Variants in CCDC141 observed in about 807,000 individuals in gnomAD.
CCDC141 encodes coiled-coil domain containing 141.
A neutral mutation model predicts 181.0 loss-of-function variants in CCDC141; 168 were observed. That is an observed-to-expected ratio of 0.93 (90% CI 0.82 to 1.05). CCDC141 has a LOEUF of 1.05. CCDC141 is among the 50% of genes least tolerant of loss of function. The pLI is 0.00. For missense variants in CCDC141, 1,902 were observed against 1,788.5 expected, an observed-to-expected ratio of 1.06 and a Z score of -1.14; for synonymous variants, 666 against 642.3, an observed-to-expected ratio of 1.04 and a Z score of -0.56.
At chr2:178,894,080 T>C (rs1244623900) in intron 8 of CCDC141, among the ~76,000 whole-genome samples, 1 of 152,068 alleles carries the variant, frequency 6.6e-6, no homozygotes, top group Non-Finnish European at 1.5e-5. Flanking sequence ...AGGCTGAAAA[T>C]GCTGCAGCCA....
chr2:178,908,017 A>G (rs1688052639), intron 7 of CCDC141, among the ~76,000 whole-genome samples: 1 of 152,074 alleles, frequency 6.6e-6, no homozygotes, highest in Non-Finnish European at 1.5e-5. Context: ...AAAAAAAAAA[A>G]TAAACAATGA....
At position 178,830,443 on chromosome 2, in the gene CCDC141, G is replaced by A. The variant is rs531898807; in HGVS notation, c.*3730C>T. On this transcript the variant is annotated 3_prime_UTR_variant, in exon 24 of 24. Transcript: ENST00000443758. ...GGATTGACTCCTGTCTATAAGAAGG[G>A]AGAATCATCTTTGTCTTTTTACATT... 5.3e-5 allele frequency: 8 copies of A among 152,290 alleles called. 1 individual carries two copies. In the South Asian group the frequency reaches 1.2e-3, roughly 24 times the overall value. 9.4% of individuals were successfully genotyped at this position (152,290 alleles called of 1,614,324 possible). A position where few individuals can be genotyped will look rare whatever the true frequency, so the allele number is the denominator to read the frequency against.
chr2:178,885,546 T>C (rs1173385329), intron 10 of CCDC141, among the ~76,000 whole-genome samples: 1 of 152,220 alleles, frequency 6.6e-6, no homozygotes, highest in Non-Finnish European at 1.5e-5. Context: ...AATAGTGCAG[T>C]CTTATTTAAA....
At chr2:178,962,019 C>T (rs1035120715) in intron 4 of CCDC141, among the ~76,000 whole-genome samples, 7 of 152,156 alleles carry the variant, frequency 4.6e-5, no homozygotes, top group Admixed American at 2.0e-4. Context: ...GTTGATGGAA[C>T]TTCCAATTAT....
intron 6 of CCDC141, among the ~76,000 whole-genome samples, chr2:178,927,201 ACT>A (rs1338901820): frequency 2.0e-5 from 3 of 151,986 alleles, no homozygotes; most frequent in African/African-American, 7.3e-5. Flanking sequence ...TATGCACAGG[ACT>A]CTCATTCTAT....
chr2:179,043,295 AAAG>A (rs2043374543), intron 2 of CCDC141, among the ~76,000 whole-genome samples: 1 of 152,202 alleles, frequency 6.6e-6, no homozygotes, highest in Non-Finnish European at 1.5e-5. Flanking sequence ...TCAGAGGTAT[AAAG>A]AAGAGCTGGT....
At chr2:178,920,558 C>G (rs959824660) in intron 6 of CCDC141, among the ~76,000 whole-genome samples, 1 of 151,960 alleles carries the variant, frequency 6.6e-6, no homozygotes, top group African/African-American at 2.4e-5. Context: ...CCTGTCTCTA[C>G]AAAAAATGCA....
rs1686155915 is a variant in CCDC141, at chr2:178,872,324, A to G, written c.1900-12T>C. ...TCGTTCTCTTTTGCCTGTTAAATTA[A>G]TAATTCATATAATAGCTTTTCTTTC... On this transcript the variant is annotated splice_polypyrimidine_tract_variant and intron_variant, in intron 12 of 23. Transcript: ENST00000443758. 6.3e-7 allele frequency: 1 copy of G among 1,590,942 alleles called. No individual in the cohort carries two copies. The highest frequency in any genetic ancestry group is 2.2e-5 in the East Asian group (1 of 44,626).
At chr2:178,821,147 A>G in the CCDC141 span, among the ~76,000 whole-genome samples, 2 of 152,186 alleles carry the variant, frequency 1.3e-5, no homozygotes, top group African/African-American at 4.8e-5. Flanking sequence ...CCACAACTGC[A>G]TGAAAGGGCT....
intron 21 of CCDC141, among the ~76,000 whole-genome samples, chr2:178,846,647 A>G (rs1290533544): frequency 6.6e-6 from 1 of 152,132 alleles, no homozygotes; most frequent in Non-Finnish European, 1.5e-5. Context: ...CTTATTCCAA[A>G]ATATCAGCTG....
intron 14 of CCDC141, among the ~76,000 whole-genome samples, chr2:178,870,231 CAAAAAA>C (rs34625707): frequency 3.3e-5 from 2 of 60,288 alleles, no homozygotes; most frequent in African/African-American, 5.9e-5. Context: ...GACTCTGTCT[CAAAAAA>C]AAAAAAAAAA....
At chr2:178,881,691 T>G (rs1326503771) in intron 11 of CCDC141, among the ~76,000 whole-genome samples, 1 of 151,774 alleles carries the variant, frequency 6.6e-6, no homozygotes, top group Non-Finnish European at 1.5e-5. Flanking sequence ...AGTCCAAATT[T>G]GAGCCTGGGC....
chr2:178,889,339 G>A (rs1687038968), intron 8 of CCDC141, among the ~76,000 whole-genome samples: 1 of 152,116 alleles, frequency 6.6e-6, no homozygotes, highest in South Asian at 2.1e-4. Flanking sequence ...CTTTGAGATG[G>A]ACCCTAGCTC....
chr2:178,873,371 T>A lies in CCDC141; in HGVS notation c.1900-1059A>T, dbSNP rs982109042. 2.0e-5 allele frequency: 3 copies of A among 152,088 alleles called. No individual in the cohort carries two copies. In the East Asian group the frequency reaches 5.8e-4, roughly 29 times the overall value. The allele number at this position is 152,088 out of a possible 1,614,324, so 9.4% of individuals were successfully genotyped here. A position where few individuals can be genotyped will look rare whatever the true frequency, so the allele number is the denominator to read the frequency against. ...AAGAATCTAGTAATAAAACGTTATA[T>A]TCCCTCATTATTAATAATGATACAT... is the stretch of plus-strand genomic sequence containing the variant. On this transcript the variant is annotated intron_variant, in intron 12 of 23. Transcript: ENST00000443758.
intron 14 of CCDC141, 47 bp downstream of exon 14, chr2:178,871,380 T>A (rs1404385010): frequency 3.8e-6 from 6 of 1,584,372 alleles, no homozygotes; most frequent in Non-Finnish European, 5.1e-6. Context: ...CCAAACAGTT[T>A]TAAGTATTTT....
chr2:178,849,666 C>T (rs1308588916), intron 21 of CCDC141, among the ~76,000 whole-genome samples: 1 of 152,104 alleles, frequency 6.6e-6, no homozygotes, highest in East Asian at 1.9e-4. Context: ...CTTGTATTTT[C>T]TCTGGTGCCA....
chr2:179,038,989 A>C (rs1352328882), intron 2 of CCDC141, among the ~76,000 whole-genome samples: 1 of 152,126 alleles, frequency 6.6e-6, no homozygotes, highest in South Asian at 2.1e-4. Flanking sequence ...AACACTCTGC[A>C]CCTCACCTGA....
At position 178,834,355 on chromosome 2, in the gene CCDC141, C is replaced by T. The variant is rs1373488677; in HGVS notation, c.4411G>A (p.Val1471Ile). Residue 1471 changes from valine (V) to isoleucine (I), a missense_variant, in exon 24 of 24, where the codon GTA becomes ATA. Val to Ile is a conservative substitution (Grantham distance 29). Coordinates refer to ENST00000443758, the MANE Select transcript of CCDC141 (RefSeq NM_173648.4). Reference protein sequence around the residue: ...ETRHSVFIPKVCKADAGLYVA... With the variant: ...ETRHSVFIPKICKADAGLYVA... ...TAGAGGCCTGCGTCTGCCTTGCATACCTTTGGAATGAACACCGAATGCCTT... is the reference window on the plus strand; with the variant it reads ...TAGAGGCCTGCGTCTGCCTTGCATATCTTTGGAATGAACACCGAATGCCTT... 1.3e-6 allele frequency: 2 copies of T among 1,536,248 alleles called. No individual in the cohort carries two copies. The highest frequency in any genetic ancestry group is 1.4e-5 in the African/African-American group (1 of 73,142).
At chr2:178,905,571 C>T in intron 7 of CCDC141, 70 bp from the exon 8 acceptor site, 1 of 1,323,512 alleles carries the variant, frequency 7.6e-7, no homozygotes, top group Non-Finnish European at 1.0e-6. Context: ...GTACACAAAA[C>T]ACTGGCAATT....
Sources: gnomAD v4.1 joint callset for allele counts (sites outside exome capture counted in the v4.1 genomes callset) on GRCh38, gnomAD v4.1.1 for gene constraint, MANE v1.5 for transcripts, NCBI Gene and HGNC (gene_info 2026-07-23, HGNC 2026-07-21) for gene names.